LARGE1: variants seen among roughly 807,000 people sequenced by gnomAD.
LARGE1 encodes the protein xylosyl- and glucuronyltransferase LARGE1.
A neutral mutation model predicts 87.6 loss-of-function variants in LARGE1; 43 were observed. The ratio of observed to expected loss-of-function variants is 0.49; its 90% CI spans 0.38 to 0.63. The LOEUF (loss-of-function observed/expected upper bound fraction) is 0.63. Among genes scored for constraint, LARGE1 ranks in the 30% least tolerant of loss-of-function variants. The pLI, the probability that LARGE1 is intolerant of heterozygous loss-of-function variation, is 0.00. For synonymous variants in LARGE1, 434 were observed against 394.6 expected, an observed-to-expected ratio of 1.10 and a Z score of -1.18; for missense variants, 802 against 1,000.2, an observed-to-expected ratio of 0.80 and a Z score of 2.67.
At chr22:33,341,617 G>A (rs1939153389) in intron 9 of LARGE1, among the ~76,000 whole-genome samples, 1 of 152,112 alleles carries the variant, frequency 6.6e-6, no homozygotes, top group Non-Finnish European at 1.5e-5. Flanking sequence ...AAACCTATTT[G>A]GTCCAAACCA....
intron 2 of LARGE1, among the ~76,000 whole-genome samples, chr22:33,751,588 C>T (rs239337): frequency 0.3 from 45,882 of 151,998 alleles, 7,197 homozygotes; most frequent in East Asian, 0.47. Context: ...TCTACCCTCC[C>T]TACCAGAGTT....
At chr22:33,516,659 G>A (rs1181508999) in intron 6 of LARGE1, among the ~76,000 whole-genome samples, 2 of 14,512 alleles carry the variant, frequency 1.4e-4, no homozygotes, top group Admixed American at 9.7e-4. Context: ...TGCCATCTCC[G>A]CTCACTGCAA....
At chr22:33,512,826 G>A (rs910756758) in intron 6 of LARGE1, among the ~76,000 whole-genome samples, 19 of 152,134 alleles carry the variant, frequency 1.2e-4, no homozygotes, top group African/African-American at 4.3e-4. Context: ...TTAAAATAAT[G>A]GTGATCTTCA....
intron 7 of LARGE1, among the ~76,000 whole-genome samples, chr22:33,419,177 G>A (rs1270950653): frequency 1.3e-5 from 2 of 151,884 alleles, no homozygotes; most frequent in Non-Finnish European, 2.9e-5. Context: ...AGGAAAAATC[G>A]CCACCTTAAA....
chr22:33,557,888 C>T (rs1206583946), intron 6 of LARGE1, among the ~76,000 whole-genome samples: 2 of 151,968 alleles, frequency 1.3e-5, no homozygotes, highest in Non-Finnish European at 1.5e-5. Context: ...CTAAAGGCCC[C>T]GTACAGATTA....
chr22:33,479,496 C>T (rs2069219628), intron 6 of LARGE1, among the ~76,000 whole-genome samples: 2 of 152,198 alleles, frequency 1.3e-5, no homozygotes, highest in Admixed American at 1.3e-4. Context: ...GTTATTTCTA[C>T]AGTCAACAGG....
chr22:33,692,615 G>A (rs536162292), intron 2 of LARGE1, among the ~76,000 whole-genome samples: 6 of 152,266 alleles, frequency 3.9e-5, no homozygotes, highest in African/African-American at 1.4e-4. Context: ...CCGGCCAATG[G>A]CACCATTTTA....
intron 12 of LARGE1, among the ~76,000 whole-genome samples, chr22:33,291,270 G>T (rs1932500001): frequency 6.6e-6 from 1 of 152,178 alleles, no homozygotes; most frequent in Admixed American, 6.5e-5. Context: ...CCCGGGAGAA[G>T]AGACCCTTGT....
At chr22:33,891,524 G>A (rs1245400154) in intron 1 of LARGE1, among the ~76,000 whole-genome samples, 1 of 151,756 alleles carries the variant, frequency 6.6e-6, no homozygotes, top group Non-Finnish European at 1.5e-5. Context: ...CGATGTTACT[G>A]CATGACTTTA....
At chr22:33,236,620 G>A (rs531222713) in intron 11 of LARGE1, among the ~76,000 whole-genome samples, 12 of 152,296 alleles carry the variant, frequency 7.9e-5, no homozygotes, top group Middle Eastern at 3.4e-3. Context: ...TTCTCAGCAG[G>A]ATGTAAACAT....
At chr22:33,293,051 G>T (rs1282479674) in intron 12 of LARGE1, among the ~76,000 whole-genome samples, 2 of 152,114 alleles carry the variant, frequency 1.3e-5, no homozygotes, top group South Asian at 2.1e-4. Flanking sequence ...GAGGGAGGAA[G>T]ACAGAAGCAT....
chr22:33,261,604 A>C (rs1422648101), intron 11 of LARGE1, among the ~76,000 whole-genome samples: 1 of 122,796 alleles, frequency 8.1e-6, no homozygotes, highest in Non-Finnish European at 1.6e-5. Context: ...AACAAAAATC[A>C]AAAAAGAAAA....
rs899321369 is a variant in LARGE1 at position 33,862,121 on chromosome 22, A to G, written c.-83+57874T>C. 8.6e-5 allele frequency among the ~76,000 whole-genome samples: 13 copies of G among 152,026 alleles called. No individual in the cohort carries two copies. The East Asian group carries it at 2.5e-3, about 29-fold the overall frequency. On this transcript the variant is annotated intron_variant, in intron 1 of 14. Coordinates refer to ENST00000397394, the MANE Select transcript of LARGE1 (RefSeq NM_133642.5). The stretch of plus-strand genomic sequence containing the variant: ...AATGATCCACCTGCCTCACCTTCCC[A>G]AAGTGCTGGGATTACAGGCATGAGC...
At chr22:33,764,586 T>C (rs771798479) in intron 1 of LARGE1, among the ~76,000 whole-genome samples, 52 of 152,172 alleles carry the variant, frequency 3.4e-4, no homozygotes, top group Middle Eastern at 3.4e-3. Flanking sequence ...GACGAAACCC[T>C]GTCTCTACTA....
At chr22:33,764,115 G>A (rs577054168) in intron 1 of LARGE1, among the ~76,000 whole-genome samples, 2 of 151,902 alleles carry the variant, frequency 1.3e-5, no homozygotes, top group South Asian at 2.1e-4. Flanking sequence ...CCCAAAGTGC[G>A]GGGATTACAG....
chr22:33,782,238 C>T (rs1054090708), intron 1 of LARGE1, among the ~76,000 whole-genome samples: 3 of 152,044 alleles, frequency 2.0e-5, no homozygotes, highest in Non-Finnish European at 4.4e-5. Flanking sequence ...ATGACTGAGA[C>T]GCATTTAAGA....
intron 11 of LARGE1, among the ~76,000 whole-genome samples, chr22:33,262,379 T>C (rs1288714333): frequency 6.6e-6 from 1 of 152,176 alleles, no homozygotes; most frequent in Non-Finnish European, 1.5e-5. Context: ...GAAAGCCCCA[T>C]AGCCAGTCAT....
chr22:33,774,627 G>A (rs922358347), intron 1 of LARGE1, among the ~76,000 whole-genome samples: 2 of 152,212 alleles, frequency 1.3e-5, no homozygotes, highest in African/African-American at 4.8e-5. Context: ...CAAAGTGCTG[G>A]GATTACAGGT....
chr22:33,174,320 T>TC (rs201678443), intron 11 of LARGE1, among the ~76,000 whole-genome samples: 4,592 of 152,264 alleles, frequency 0.03, 96 homozygotes, highest in Admixed American at 0.057. Flanking sequence ...CATACCAGAA[T>TC]CTCTGAGACA....
Sources: allele counts gnomAD v4.1 joint callset (sites outside exome capture counted in the v4.1 genomes callset), GRCh38; gene constraint gnomAD v4.1.1; transcripts MANE v1.5; gene names NCBI Gene and HGNC (gene_info 2026-07-23, HGNC 2026-07-21).